ZFPM2: variants seen among roughly 807,000 people sequenced by gnomAD.
ZFPM2 encodes the protein zinc finger protein ZFPM2.
Under a neutral mutation model 98.6 loss-of-function variants are expected in ZFPM2, and 20 were observed. The ratio of observed to expected loss-of-function variants is 0.20; its 90% CI spans 0.14 to 0.29. The LOEUF is 0.29. Among genes scored for constraint, ZFPM2 ranks in the 10% least tolerant of loss-of-function variants. The pLI is 1.00. For missense variants in ZFPM2, 1,310 were observed against 1,388.6 expected (o/e 0.94, Z 0.90); for synonymous variants, 518 against 502.7 (o/e 1.03, Z -0.41).
intron 1 of ZFPM2, among the ~76,000 whole-genome samples, chr8:105,398,035 G>T (rs1811258131): frequency 6.6e-6 from 1 of 151,972 alleles, no homozygotes; most frequent in South Asian, 2.1e-4. Context: ...AGTATCCGCA[G>T]GTCAATTCAT....
chr8:105,394,039 G>A (rs1428843457), intron 1 of ZFPM2, among the ~76,000 whole-genome samples: 6 of 151,862 alleles, frequency 4.0e-5, no homozygotes, highest in South Asian at 2.1e-4. Flanking sequence ...GACTACAGGC[G>A]CCTGCCACCA....
chr8:105,714,945 A>G (rs1285981689), intron 5 of ZFPM2, among the ~76,000 whole-genome samples: 4 of 152,156 alleles, frequency 2.6e-5, no homozygotes, highest in Admixed American at 2.0e-4. Context: ...CTATTTCAAT[A>G]AAGAAGTTGC....
chr8:105,374,109 C>T (rs1316635512), intron 1 of ZFPM2, among the ~76,000 whole-genome samples: 2 of 152,108 alleles, frequency 1.3e-5, no homozygotes, highest in African/African-American at 2.4e-5. Flanking sequence ...GTTTATATGT[C>T]ACATATACTA....
chr8:105,556,371 T>A (rs1814991290), intron 3 of ZFPM2, among the ~76,000 whole-genome samples: 1 of 152,172 alleles, frequency 6.6e-6, no homozygotes, highest in African/African-American at 2.4e-5. Context: ...GCTCTTAGAA[T>A]TCTTCAATTT....
chr8:105,485,223 A>G (rs542552818), intron 3 of ZFPM2, among the ~76,000 whole-genome samples: 3 of 152,292 alleles, frequency 2.0e-5, no homozygotes, highest in Non-Finnish European at 2.9e-5. Flanking sequence ...ACAGAGTCCA[A>G]CAGCCAGCCT....
intron 3 of ZFPM2, among the ~76,000 whole-genome samples, chr8:105,510,736 A>G (rs576143297): frequency 8.4e-6 from 1 of 118,688 alleles, no homozygotes; most frequent in Non-Finnish European, 1.6e-5. Context: ...TCCAATGACA[A>G]TATAATAATA....
At chr8:105,365,085 G>A (rs1428362489) in intron 1 of ZFPM2, among the ~76,000 whole-genome samples, 1 of 152,152 alleles carries the variant, frequency 6.6e-6, no homozygotes, top group Non-Finnish European at 1.5e-5. Flanking sequence ...ATAAGTGCTG[G>A]TGTAAAGAGG....
chr8:105,594,435 T>C (rs867792442), intron 4 of ZFPM2, among the ~76,000 whole-genome samples: 123 of 152,294 alleles, frequency 8.1e-4, no homozygotes, highest in African/African-American at 2.6e-3. Flanking sequence ...ATTAAGTATT[T>C]ACTACTTTAA....
At chr8:105,775,380 T>A (rs950135604) in intron 5 of ZFPM2, among the ~76,000 whole-genome samples, 8 of 151,704 alleles carry the variant, frequency 5.3e-5, no homozygotes, top group Non-Finnish European at 8.8e-5. Context: ...AAATTAAGCA[T>A]ACCCAACACA....
chr8:105,630,549 A>G (rs1816738403), intron 4 of ZFPM2, among the ~76,000 whole-genome samples: 1 of 152,154 alleles, frequency 6.6e-6, no homozygotes, highest in Non-Finnish European at 1.5e-5. Context: ...TTGGACTACA[A>G]TAAATTGTTT....
At chr8:105,413,465 A>T (rs1467350109) in intron 1 of ZFPM2, among the ~76,000 whole-genome samples, 2 of 147,638 alleles carry the variant, frequency 1.4e-5, no homozygotes, top group African/African-American at 5.0e-5. Flanking sequence ...CTCGATTATG[A>T]TGTCACAATT....
intron 5 of ZFPM2, among the ~76,000 whole-genome samples, chr8:105,728,781 G>A (rs937789651): frequency 3.3e-5 from 5 of 151,780 alleles, no homozygotes; most frequent in African/African-American, 1.2e-4. Flanking sequence ...AGCAGTGACA[G>A]TTGCACTATT....
At chr8:105,517,727 A>ACACACACACACACACC (rs1813965654) in intron 3 of ZFPM2, among the ~76,000 whole-genome samples, 1 of 150,720 alleles carries the variant, frequency 6.6e-6, no homozygotes, top group African/African-American at 2.4e-5. Context: ...ACACACACAC[A>ACACACACACACACACC]CACACACACA....
rs764139549 is a variant in ZFPM2 at position 105,801,117 on chromosome 8, T to C, written c.1035T>C (p.Asp345=). The C allele has an allele frequency of 2.1e-5, 34 of 1,613,984 alleles. No individual in the cohort carries two copies. Among genetic ancestry groups the C allele is most frequent in the Non-Finnish European group, 2.6e-5 (31 of 1,179,874 alleles). The stretch of plus-strand genomic sequence containing the variant: ...GCACCGTCTGTAGCTACACTGCTGA[T>C]TCCGTGATCAACTTTCACCAACACC... ...LKCTVCSYTA[D]SVINFHQHLF... Residue 345 remains aspartate (D), a synonymous_variant, in exon 8 of 8, where the codon GAT becomes GAC. Coordinates refer to ENST00000407775, the MANE Select transcript of ZFPM2 (RefSeq NM_012082.4).
intron 1 of ZFPM2, among the ~76,000 whole-genome samples, chr8:105,336,688 C>CCTCACA (rs1554595526): frequency 4.1e-4 from 58 of 142,254 alleles, no homozygotes; most frequent in Admixed American, 5.0e-4. Flanking sequence ...GTAATATACT[C>CCTCACA]CACACACACA....
At chr8:105,651,648 C>T (rs1412780483) in intron 5 of ZFPM2, among the ~76,000 whole-genome samples, 1 of 152,060 alleles carries the variant, frequency 6.6e-6, no homozygotes, top group African/African-American at 2.4e-5. Context: ...GAAGAAAGAT[C>T]CAGCCCAGGG....
intron 5 of ZFPM2, among the ~76,000 whole-genome samples, chr8:105,686,642 T>C (rs1405977692): frequency 1.3e-5 from 2 of 152,198 alleles, no homozygotes; most frequent in African/African-American, 4.8e-5. Flanking sequence ...TAGTACAATG[T>C]ATAGTACTCT....
intron 3 of ZFPM2, among the ~76,000 whole-genome samples, chr8:105,462,738 TA>T: frequency 8.5e-6 from 1 of 117,286 alleles, no homozygotes; most frequent in South Asian, 2.8e-4. Flanking sequence ...TTATTTTGTA[TA>T]CAGATTTTTT....
chr8:105,784,453 G>A (rs1247310528), intron 5 of ZFPM2, among the ~76,000 whole-genome samples: 1 of 145,756 alleles, frequency 6.9e-6, no homozygotes, highest in Admixed American at 6.7e-5. Context: ...TTTTCTTTCT[G>A]GTGAGATTTC....
Sources: allele counts gnomAD v4.1 joint callset (sites outside exome capture counted in the v4.1 genomes callset), GRCh38; gene constraint gnomAD v4.1.1; transcripts MANE v1.5; gene names NCBI Gene and HGNC (gene_info 2026-07-23, HGNC 2026-07-21).